WNT3: variants seen among roughly 807,000 people sequenced by gnomAD.
WNT3 encodes the protein proto-oncogene Wnt-3.
A neutral mutation model predicts 34.2 loss-of-function variants in WNT3; 7 were observed. The ratio of observed to expected loss-of-function variants is 0.20; its 90% CI spans 0.12 to 0.38. The LOEUF is 0.38. Ranked by LOEUF, WNT3 falls within the 10% of genes least tolerant of loss-of-function variation. The pLI, the probability that WNT3 is intolerant of heterozygous loss-of-function variation, is 1.00. For missense variants in WNT3, 267 were observed against 499.8 expected (o/e 0.53, Z 4.44); for synonymous variants, 212 against 211.5 (o/e 1.00, Z -0.02).
At chr17:46,771,836 G>C (rs897086575) in intron 2 of WNT3, among the ~76,000 whole-genome samples, 16 of 144,476 alleles carry the variant, frequency 1.1e-4, no homozygotes, top group African/African-American at 4.0e-4. Context: ...CGGTGGGGGG[G>C]CGGTGCTCGG....
rs2059294807 is a variant in WNT3, at chr17:46,764,316, T to TA, written c.*313_*314insT. The TA allele has an allele frequency of 6.5e-6, 1 of 152,738 alleles. No individual in the cohort carries two copies. Among genetic ancestry groups the TA allele is most frequent in the South Asian group, 2.1e-4 (1 of 4,822 alleles). 9.5% of individuals were successfully genotyped at this position (152,738 alleles called of 1,614,324 possible). Reference sequence around the variant, plus strand: ...TGTTGGAGTCAAATTTTTTTTCATTTTTATTTTCTTTAACATGTGCAAAGA... The same window carrying TA: ...TGTTGGAGTCAAATTTTTTTTCATTTATTATTTTCTTTAACATGTGCAAAGA... On this transcript the variant is annotated 3_prime_UTR_variant, in exon 5 of 5. Coordinates refer to ENST00000225512, the MANE Select transcript of WNT3 (RefSeq NM_030753.5).
At chr17:46,774,362 GCA>G (rs1336750879) in intron 1 of WNT3, among the ~76,000 whole-genome samples, 1 of 151,944 alleles carries the variant, frequency 6.6e-6, no homozygotes, top group Admixed American at 6.6e-5. Flanking sequence ...GCGCGCGCGC[GCA>G]CACACACACA....
At position 46,783,070 on chromosome 17, in the gene WNT3, C is replaced by T. The variant is rs576690937; in HGVS notation, c.81-9161G>A. On this transcript the variant is annotated intron_variant, in intron 1 of 4. Transcript: ENST00000225512. ...ATTAGGGGCTAGTTCATTCTCTCAA[C>T]GGGGCTAGTTCATTCTCTCAACGGG... 7.2e-5 allele frequency among the ~76,000 whole-genome samples: 11 copies of T among 152,192 alleles called. 1 individual carries two copies. Among genetic ancestry groups the T allele is most frequent in the South Asian group, 6.2e-4 (3 of 4,824 alleles).
chr17:46,816,671 A>G (rs2084354325), intron 1 of WNT3, among the ~76,000 whole-genome samples: 1 of 151,814 alleles, frequency 6.6e-6, no homozygotes, highest in African/African-American at 2.4e-5. Context: ...ATGGTCCCCA[A>G]GATACCATTT....
intron 1 of WNT3, among the ~76,000 whole-genome samples, chr17:46,810,404 T>G (rs912109212): frequency 6.6e-6 from 1 of 152,194 alleles, no homozygotes; most frequent in African/African-American, 2.4e-5. Context: ...CCTCAGCTCC[T>G]TCCTGTAGGG....
In WNT3 at chr17:46,773,812, G is replaced by A. The variant is rs766987789; in HGVS notation, c.178C>T (p.Arg60Cys). ...CTGGGCATGATCTCGATGTAATTGC[G>A]GCAGAAGCGCAGTTGCTTGGGGACC... The part of the protein sequence containing the change: ...GLVPKQLRFC[R>C]NYIEIMPSVA... Residue 60 changes from arginine (R) to cysteine (C), a missense_variant, in exon 2 of 5, where the codon CGC becomes TGC. This residue lies in a region of WNT3 where 181 missense variants were observed against 391.3 expected (regional missense o/e 0.46). Transcript: ENST00000225512. The A allele has an allele frequency of 3.1e-6, 5 of 1,613,422 alleles. No homozygotes were observed. Among genetic ancestry groups the A allele is most frequent in the Non-Finnish European group, 4.2e-6 (5 of 1,180,016 alleles).
intron 2 of WNT3, among the ~76,000 whole-genome samples, chr17:46,771,276 C>T (rs574506687): frequency 6.7e-4 from 102 of 152,242 alleles, no homozygotes; most frequent in African/African-American, 2.3e-3. Context: ...GGGGGCCCGA[C>T]GTCCCGCGTC....
chr17:46,798,054 GA>G (rs2084076945), intron 1 of WNT3, among the ~76,000 whole-genome samples: 1 of 152,068 alleles, frequency 6.6e-6, no homozygotes, highest in Admixed American at 6.6e-5. Context: ...TCAGCCTCCC[GA>G]GTAGCTAGGA....
intron 1 of WNT3, among the ~76,000 whole-genome samples, chr17:46,774,697 A>G (rs925041286): frequency 1.3e-5 from 2 of 151,984 alleles, no homozygotes; most frequent in Non-Finnish European, 2.9e-5. Flanking sequence ...TATCCCATCA[A>G]CTCTCTCAGG....
chr17:46,791,787 C>T (rs1369053020), intron 1 of WNT3, among the ~76,000 whole-genome samples: 1 of 151,558 alleles, frequency 6.6e-6, no homozygotes, highest in Non-Finnish European at 1.5e-5. Flanking sequence ...TGCCTATAAT[C>T]ACAGCACTTC....
At chr17:46,778,625 C>T (rs922864593) in intron 1 of WNT3, among the ~76,000 whole-genome samples, 2 of 152,182 alleles carry the variant, frequency 1.3e-5, no homozygotes, top group South Asian at 2.1e-4. Flanking sequence ...TTGAAGTACA[C>T]GTTCCACTTC....
In WNT3 at chr17:46,773,774, G is replaced by A. The variant is rs1170210818; in HGVS notation, c.216C>T (p.Gly72=). Reference sequence around the variant, plus strand: ...GGCACTCCTGGATGCCCAGCTTCACGCCCTCGGCCACGCTGGGCATGATCT... The same window carrying A: ...GGCACTCCTGGATGCCCAGCTTCACACCCTCGGCCACGCTGGGCATGATCT... The part of the protein sequence containing the change: ...YIEIMPSVAE[G]VKLGIQECQH... Residue 72 remains glycine, a synonymous_variant, in exon 2 of 5, where the codon GGC becomes GGT. Coordinates refer to ENST00000225512, the MANE Select transcript of WNT3 (RefSeq NM_030753.5). 3.2e-5 allele frequency: 51 copies of A among 1,613,420 alleles called. No homozygotes were observed. The highest frequency in any genetic ancestry group is 3.7e-5 in the Non-Finnish European group (44 of 1,180,008).
chr17:46,790,789 G>A (rs1201687079), intron 1 of WNT3, among the ~76,000 whole-genome samples: 1 of 152,196 alleles, frequency 6.6e-6, no homozygotes, highest in Non-Finnish European at 1.5e-5. Flanking sequence ...ACGCCCCTCC[G>A]TTTCCGTCCA....
chr17:46,818,451 G>T, intron 1 of WNT3, 67 bp downstream of exon 1: 2 of 1,514,224 alleles, frequency 1.3e-6, no homozygotes, highest in South Asian at 2.4e-5. Context: ...ACCCCCAGCC[G>T]GCGCCCCCAC....
intron 1 of WNT3, among the ~76,000 whole-genome samples, chr17:46,783,069 ACGGGGC>A (rs1311941014): frequency 1.3e-5 from 2 of 152,054 alleles, no homozygotes; most frequent in African/African-American, 4.8e-5. Context: ...CATTCTCTCA[ACGGGGC>A]TAGTTCATTC....
intron 1 of WNT3, among the ~76,000 whole-genome samples, chr17:46,788,704 A>G (rs1310463515): frequency 6.6e-6 from 1 of 152,098 alleles, no homozygotes; most frequent in Non-Finnish European, 1.5e-5. Context: ...TTCCATGTAG[A>G]ATCTAGCACC....
intron 1 of WNT3, among the ~76,000 whole-genome samples, chr17:46,812,794 C>T (rs1363827900): frequency 4.6e-5 from 7 of 152,178 alleles, no homozygotes; most frequent in Non-Finnish European, 7.3e-5. Flanking sequence ...GGCTCCAGGG[C>T]TTCAGTGAGC....
In WNT3 at chr17:46,779,101, A is replaced by ACCCC. The variant is rs1226625742; in HGVS notation, c.81-5193_81-5192insGGGG. On this transcript the variant is annotated intron_variant, in intron 1 of 4. Coordinates refer to ENST00000225512, the MANE Select transcript of WNT3 (RefSeq NM_030753.5). ...CACACACACACACACACACACACAC[A>ACCCC]CACCCCAGCCCACTCGGCCTTCCAA... 1.9e-3 allele frequency among the ~76,000 whole-genome samples: 273 copies of ACCCC among 140,058 alleles called. 5 individuals carry two copies. Among genetic ancestry groups the ACCCC allele is most frequent in the East Asian group, 0.019 (64 of 3,430 alleles). 91.9% of individuals were successfully genotyped at this position (140,058 alleles called of 152,430 possible).
At chr17:46,816,121 A>ACACACACACACGCACG (rs778383721) in intron 1 of WNT3, among the ~76,000 whole-genome samples, 13 of 150,894 alleles carry the variant, frequency 8.6e-5, no homozygotes, top group African/African-American at 2.9e-4. Flanking sequence ...GTACACACAC[A>ACACACACACACGCACG]CACACACACT....
Sources: gnomAD v4.1 joint callset for allele counts (sites outside exome capture counted in the v4.1 genomes callset) on GRCh38, gnomAD v4.1.1 for gene constraint, gnomAD v4.1.1 regional missense constraint, MANE v1.5 for transcripts, NCBI Gene and HGNC (gene_info 2026-07-23, HGNC 2026-07-21) for gene names.